ADCY2: variants seen among roughly 807,000 people sequenced by gnomAD.
ADCY2 encodes the protein adenylate cyclase 2, also known as adenylate cyclase type 2.
A neutral mutation model predicts 125.2 loss-of-function variants in ADCY2; 31 were observed. That is an observed-to-expected ratio of 0.25 (90% CI 0.19 to 0.33). The LOEUF (loss-of-function observed/expected upper bound fraction) is 0.33, where lower values mean the gene tolerates loss of function less well. ADCY2 is among the 10% of genes least tolerant of loss of function. ADCY2 has a pLI of 1.00. For missense variants in ADCY2, 904 were observed against 1,418.2 expected (o/e 0.64, Z 5.82); for synonymous variants, 512 against 548.4 (o/e 0.93, Z 0.93).
intron 3 of ADCY2, among the ~76,000 whole-genome samples, chr5:7,575,625 G>A (rs532633661): frequency 6.6e-6 from 1 of 152,190 alleles, no homozygotes; most frequent in Non-Finnish European, 1.5e-5. Context: ...CACAGTCCTA[G>A]ATCCTCTCTT....
At chr5:7,808,173 C>T (rs538234039) in intron 22 of ADCY2, among the ~76,000 whole-genome samples, 127 of 152,366 alleles carry the variant, frequency 8.3e-4, no homozygotes, top group Middle Eastern at 3.4e-3. Flanking sequence ...ACCTAGCTGT[C>T]TGAGTCCAGA....
intron 2 of ADCY2, among the ~76,000 whole-genome samples, chr5:7,496,433 T>C (rs1490492010): frequency 6.6e-6 from 1 of 152,078 alleles, no homozygotes; most frequent in African/African-American, 2.4e-5. Flanking sequence ...AATGAAAGTA[T>C]ACAGAAAGGA....
At chr5:7,492,803 A>G (rs1019873433) in intron 2 of ADCY2, among the ~76,000 whole-genome samples, 2 of 152,198 alleles carry the variant, frequency 1.3e-5, no homozygotes, top group Admixed American at 6.5e-5. Flanking sequence ...TGAAGGGTAA[A>G]TAGAAGACAC....
At chr5:7,603,256 G>A (rs1737274522) in intron 3 of ADCY2, among the ~76,000 whole-genome samples, 1 of 152,166 alleles carries the variant, frequency 6.6e-6, no homozygotes, top group South Asian at 2.1e-4. Context: ...TTCAGCGTCT[G>A]TAGTGGGAGG....
chr5:7,829,507 C>A lies in ADCY2; in HGVS notation c.*2636C>A, dbSNP rs1320950326. 1.3e-5 allele frequency: 2 copies of A among 152,478 alleles called. No individual in the cohort carries two copies. The highest frequency in any genetic ancestry group is 2.9e-5 in the Non-Finnish European group (2 of 68,016). 9.4% of individuals were successfully genotyped at this position (152,478 alleles called of 1,614,324 possible). ...GCAAAAATGCCAGGCAGAAAACTGG[C>A]AGTGCACCTCTCATCAGCCCAGGTC... On this transcript the variant is annotated 3_prime_UTR_variant, in exon 25 of 25. Coordinates refer to ENST00000338316, the MANE Select transcript of ADCY2 (RefSeq NM_020546.3).
chr5:7,608,866 C>G (rs924959014), intron 3 of ADCY2, among the ~76,000 whole-genome samples: 1 of 152,190 alleles, frequency 6.6e-6, no homozygotes, highest in Non-Finnish European at 1.5e-5. Flanking sequence ...GGTGAGCCAG[C>G]CATATGGGCC....
intron 17 of ADCY2, among the ~76,000 whole-genome samples, chr5:7,771,811 T>C (rs768867948): frequency 6.6e-6 from 1 of 152,150 alleles, no homozygotes. Context: ...GAAATTAAAA[T>C]GGAGTAGTTT....
intron 4 of ADCY2, among the ~76,000 whole-genome samples, chr5:7,632,772 A>G (rs184948305): frequency 8.2e-4 from 125 of 152,334 alleles, no homozygotes; most frequent in African/African-American, 2.9e-3. Flanking sequence ...AAGATGTTTC[A>G]GGATGCTACA....
At chr5:7,650,433 T>C (rs549302552) in intron 4 of ADCY2, among the ~76,000 whole-genome samples, 1 of 152,272 alleles carries the variant, frequency 6.6e-6, no homozygotes, top group African/African-American at 2.4e-5. Context: ...AGAATTAGAT[T>C]CGATTAAGTA....
intron 4 of ADCY2, among the ~76,000 whole-genome samples, chr5:7,665,644 C>T (rs1185071337): frequency 6.6e-6 from 1 of 151,798 alleles, no homozygotes; most frequent in Non-Finnish European, 1.5e-5. Flanking sequence ...TGGTCTTGAA[C>T]CCAACTGGTC....
At chr5:7,602,116 C>T (rs907693271) in intron 3 of ADCY2, among the ~76,000 whole-genome samples, 3 of 152,142 alleles carry the variant, frequency 2.0e-5, no homozygotes, top group African/African-American at 7.2e-5. Context: ...GATTTTGGGT[C>T]CACTCTAACC....
chr5:7,770,256 G>C lies in ADCY2; in HGVS notation c.2215-2676G>C, dbSNP rs2126478764. Reference sequence around the variant, plus strand: ...ATGTGAAACCTTAGCATATTTTATAGGTGTTGACACCTAGTTCAAAGGTTC... The same window carrying C: ...ATGTGAAACCTTAGCATATTTTATACGTGTTGACACCTAGTTCAAAGGTTC... On this transcript the variant is annotated intron_variant, in intron 17 of 24. Transcript: ENST00000338316. Among the ~76,000 whole-genome samples the C allele has an allele frequency of 4.6e-5, 7 of 152,200 alleles. 2 individuals carry two copies. Among genetic ancestry groups the C allele is most frequent in the Admixed American group, 4.6e-4 (7 of 15,290 alleles).
At chr5:7,628,743 T>C (rs1470359592) in intron 4 of ADCY2, among the ~76,000 whole-genome samples, 1 of 151,900 alleles carries the variant, frequency 6.6e-6, no homozygotes, top group East Asian at 1.9e-4. Flanking sequence ...CTTCGGAGAA[T>C]ATGTGTCTAC....
intron 7 of ADCY2, among the ~76,000 whole-genome samples, chr5:7,700,869 T>G (rs1251201518): frequency 6.6e-6 from 1 of 151,928 alleles, no homozygotes; most frequent in African/African-American, 2.4e-5. Context: ...ATGAAGTCAA[T>G]GAGAGAGTTG....
intron 16 of ADCY2, among the ~76,000 whole-genome samples, chr5:7,761,426 T>C (rs1199100937): frequency 6.6e-6 from 1 of 152,130 alleles, no homozygotes; most frequent in Admixed American, 6.5e-5. Context: ...GGATTACAGG[T>C]GTGGGCCACC....
At chr5:7,753,720 A>C (rs1742899135) in intron 15 of ADCY2, among the ~76,000 whole-genome samples, 1 of 152,120 alleles carries the variant, frequency 6.6e-6, no homozygotes, top group Non-Finnish European at 1.5e-5. Flanking sequence ...TTAGAATCTT[A>C]GTCCTGTTTC....
At chr5:7,436,936 T>C (rs1280542998) in intron 2 of ADCY2, among the ~76,000 whole-genome samples, 2 of 152,146 alleles carry the variant, frequency 1.3e-5, no homozygotes, top group Non-Finnish European at 2.9e-5. Context: ...TGCTGAGTGG[T>C]GTGAAATCAG....
At chr5:7,655,675 A>G (rs1739297291) in intron 4 of ADCY2, among the ~76,000 whole-genome samples, 1 of 152,214 alleles carries the variant, frequency 6.6e-6, no homozygotes, top group Non-Finnish European at 1.5e-5. Flanking sequence ...ACATCCAGAA[A>G]TCATGGCTCA....
chr5:7,589,858 C>T (rs1417410550), intron 3 of ADCY2, among the ~76,000 whole-genome samples: 1 of 152,106 alleles, frequency 6.6e-6, no homozygotes, highest in African/African-American at 2.4e-5. Context: ...TTTTTCCTCT[C>T]CCAGATATAT....
Sources: allele counts gnomAD v4.1 joint callset (sites outside exome capture counted in the v4.1 genomes callset), GRCh38; gene constraint gnomAD v4.1.1; transcripts MANE v1.5; gene names NCBI Gene and HGNC (gene_info 2026-07-23, HGNC 2026-07-21).